TOLLIP: variants seen among roughly 807,000 people sequenced by gnomAD.
TOLLIP encodes the protein toll-interacting protein.
A neutral mutation model predicts 33.5 loss-of-function variants in TOLLIP; 16 were observed. The ratio of observed to expected loss-of-function variants is 0.48; its 90% CI spans 0.32 to 0.72. The LOEUF (loss-of-function observed/expected upper bound fraction) is 0.72. TOLLIP is among the 30% of genes least tolerant of loss of function. The pLI, the probability that TOLLIP is intolerant of heterozygous loss-of-function variation, is 0.03. For missense variants in TOLLIP, 325 were observed against 396.6 expected (o/e 0.82, Z 1.53); for synonymous variants, 176 against 163.7 (o/e 1.07, Z -0.57).
chr11:1,287,166 A>T (rs990009544), intron 4 of TOLLIP, among the ~76,000 whole-genome samples: 1 of 152,218 alleles, frequency 6.6e-6, no homozygotes, highest in Non-Finnish European at 1.5e-5. Flanking sequence ...TCAACTGCGG[A>T]TAAGTCACTG....
At chr11:1,285,857 T>C (rs763499190) in intron 5 of TOLLIP, 145 bp downstream of exon 5, 40 of 486,700 alleles carry the variant, frequency 8.2e-5, no homozygotes, top group Non-Finnish European at 1.3e-4. Context: ...TGAAAGGATC[T>C]GTGTGCGGTC....
intron 1 of TOLLIP, among the ~76,000 whole-genome samples, chr11:1,301,967 G>A (rs1199211484): frequency 6.6e-6 from 1 of 152,224 alleles, no homozygotes; most frequent in African/African-American, 2.4e-5. Flanking sequence ...CAGGGCCCCA[G>A]GACTCACATA....
intron 1 of TOLLIP, among the ~76,000 whole-genome samples, chr11:1,297,567 G>C (rs1864148168): frequency 6.6e-6 from 1 of 152,258 alleles, no homozygotes; most frequent in African/African-American, 2.4e-5. Flanking sequence ...AACACACTTT[G>C]TGCGTTTCCC....
rs569891582 is a variant in TOLLIP, at chr11:1,280,920, A to G, written c.611-3667T>C. Reference sequence around the variant, plus strand: ...GCAGGCAGGGCTGAGGCCCAGTGGCACCCGCGCTGGTCTCTCACGCACGAA... The same window carrying G: ...GCAGGCAGGGCTGAGGCCCAGTGGCGCCCGCGCTGGTCTCTCACGCACGAA... On this transcript the variant is annotated intron_variant, in intron 5 of 5. Coordinates refer to ENST00000317204, the MANE Select transcript of TOLLIP (RefSeq NM_019009.4). Among the ~76,000 whole-genome samples the G allele has an allele frequency of 2.2e-3, 335 of 152,276 alleles. 5 individuals are homozygous for G. The highest frequency in any genetic ancestry group is 7.7e-3 in the African/African-American group (318 of 41,568).
intron 1 of TOLLIP, among the ~76,000 whole-genome samples, chr11:1,308,917 T>TG (rs1864501145): frequency 2.1e-5 from 2 of 94,010 alleles, no homozygotes; most frequent in South Asian, 3.4e-4. Flanking sequence ...CGCCTCCATC[T>TG]AGGGTGCCAT....
chr11:1,309,123 G>C lies in TOLLIP; in HGVS notation c.33+343C>G, dbSNP rs368708390. Among the ~76,000 whole-genome samples, 8 of 151,872 alleles carry C rather than the reference G, an allele frequency of 5.3e-5. No homozygotes were observed. In the East Asian group the frequency reaches 1.6e-3, roughly 30 times the overall value. ...CCCTCCTCCATCTGGAGACCATTGG[G>C]GAGCGGGGCCTGCCTCCCTCTGGGG... On this transcript the variant is annotated intron_variant, in intron 1 of 5. Transcript: ENST00000317204.
chr11:1,291,768 G>A (rs1863959765), intron 2 of TOLLIP: 1 of 127,840 alleles, frequency 7.8e-6, no homozygotes, highest in African/African-American at 3.2e-5. Flanking sequence ...GGGCACGGCC[G>A]CCCCGTCCTC....
At chr11:1,295,108 T>C (rs1460195902) in intron 2 of TOLLIP, among the ~76,000 whole-genome samples, 1 of 151,250 alleles carries the variant, frequency 6.6e-6, no homozygotes, top group Non-Finnish European at 1.5e-5. Flanking sequence ...CACAGTGTGT[T>C]TCCTTTTCCT....
At chr11:1,284,812 C>T (rs1431016545) in intron 5 of TOLLIP, among the ~76,000 whole-genome samples, 1 of 152,240 alleles carries the variant, frequency 6.6e-6, no homozygotes, top group Non-Finnish European at 1.5e-5. Context: ...ATGCTGTTCT[C>T]ACAGGCAGTT....
At position 1,303,680 on chromosome 11, in the gene TOLLIP, C is replaced by A. The variant is rs1864347910; in HGVS notation, c.33+5786G>T. ...GTGACTCAGGGACAGGAAACACTTGCACAGCAGGCCTAACCAGGGGCCTGT... is the reference window on the plus strand; with the variant it reads ...GTGACTCAGGGACAGGAAACACTTGAACAGCAGGCCTAACCAGGGGCCTGT... On this transcript the variant is annotated intron_variant, in intron 1 of 5. Coordinates refer to ENST00000317204, the MANE Select transcript of TOLLIP (RefSeq NM_019009.4). This position sits in a 1 kb window ranked among gnomAD's most constrained non-coding sequence, Gnocchi z 4.2. 6.6e-6 allele frequency among the ~76,000 whole-genome samples: 1 copy of A among 152,194 alleles called. No individual in the cohort carries two copies.
At chr11:1,284,020 T>C (rs895383829) in intron 5 of TOLLIP, among the ~76,000 whole-genome samples, 2 of 152,190 alleles carry the variant, frequency 1.3e-5, no homozygotes, top group Non-Finnish European at 2.9e-5. Flanking sequence ...AGAAGGCACT[T>C]TGACCCCACG....
rs1158315323 is a variant in TOLLIP, at chr11:1,295,632, C to A, written c.183+13G>T. On this transcript the variant is annotated intron_variant, in intron 2 of 5. Transcript: ENST00000317204. ...CCAGCCCCAGGCAGGCAGGAGGGTG[C>A]CCCAAGGCCCACCTGTACCACCGTG... 6.5e-7 allele frequency: 1 copy of A among 1,532,840 alleles called. No homozygotes were observed. The highest frequency in any genetic ancestry group is 1.4e-5 in the African/African-American group (1 of 73,222). The allele number at this position is 1,532,840 out of a possible 1,614,324, so 95.0% of individuals were successfully genotyped here. A position where few individuals can be genotyped will look rare whatever the true frequency, so the allele number is the denominator to read the frequency against.
intron 5 of TOLLIP, among the ~76,000 whole-genome samples, chr11:1,281,697 G>A (rs958819739): frequency 5.9e-5 from 9 of 152,252 alleles, no homozygotes; most frequent in Non-Finnish European, 1.3e-4. Flanking sequence ...GCCGCCCTGC[G>A]TGCACACAGG....
intron 4 of TOLLIP, 33 bp downstream of exon 4, chr11:1,288,591 A>G (rs969013734): frequency 6.9e-6 from 11 of 1,585,770 alleles, no homozygotes; most frequent in East Asian, 2.3e-5. Flanking sequence ...ACATACCCCA[A>G]TGCGCCCCAC....
chr11:1,301,459 G>A (rs982333404), intron 1 of TOLLIP, among the ~76,000 whole-genome samples: 5 of 131,628 alleles, frequency 3.8e-5, no homozygotes, highest in South Asian at 2.6e-4. Context: ...GCGGGCTTCC[G>A]AGAACTCCGT....
intron 5 of TOLLIP, among the ~76,000 whole-genome samples, chr11:1,285,569 C>T (rs557039943): frequency 6.6e-6 from 1 of 152,184 alleles, no homozygotes; most frequent in Non-Finnish European, 1.5e-5. Flanking sequence ...CCAACAGGAG[C>T]GTGAGGTTCA....
intron 5 of TOLLIP, 63 bp downstream of exon 5, chr11:1,285,939 C>A: frequency 7.3e-7 from 1 of 1,373,684 alleles, no homozygotes; most frequent in Non-Finnish European, 1.0e-6. Context: ...CCTCCTCCCG[C>A]ACCTGCCCTA....
chr11:1,309,624 G>A lies in TOLLIP; in HGVS notation c.-126C>T, dbSNP rs929333627. 2 of 357,706 alleles carry A rather than the reference G, an allele frequency of 5.6e-6. No individual in the cohort carries two copies. The highest frequency in any genetic ancestry group is 2.2e-5 in the African/African-American group (1 of 46,114). The allele number at this position is 357,706 out of a possible 1,614,324, so 22.2% of individuals were successfully genotyped here. ...GAGGCCGCCGCCGCCACAGTCAGCTGACAGCCGCCGCGCCCCGCCCCCGGC... is the reference window on the plus strand; with the variant it reads ...GAGGCCGCCGCCGCCACAGTCAGCTAACAGCCGCCGCGCCCCGCCCCCGGC... On this transcript the variant is annotated 5_prime_UTR_variant, in exon 1 of 6. Coordinates refer to ENST00000317204, the MANE Select transcript of TOLLIP (RefSeq NM_019009.4).
In TOLLIP at chr11:1,290,219, C is replaced by T; in HGVS notation, c.366+8G>A. ...CAGCCTCCATAATAGCTGGCACGTC[C>T]CTCTCACCTCATCGAAGATCTCGAG... On this transcript the variant is annotated splice_region_variant and intron_variant, in intron 3 of 5. Coordinates refer to ENST00000317204, the MANE Select transcript of TOLLIP (RefSeq NM_019009.4). The surrounding 1 kb of genome is among the most constrained non-coding windows in gnomAD (Gnocchi z 4.9). The T allele has an allele frequency of 6.2e-7, 1 of 1,612,324 alleles. No homozygotes were observed. The highest frequency in any genetic ancestry group is 8.5e-7 in the Non-Finnish European group (1 of 1,179,386).
Sources: allele counts gnomAD v4.1 joint callset (sites outside exome capture counted in the v4.1 genomes callset), GRCh38; gene constraint gnomAD v4.1.1; non-coding constraint Gnocchi (gnomAD v3.1); transcripts MANE v1.5; gene names NCBI Gene and HGNC (gene_info 2026-07-23, HGNC 2026-07-21).